The following PALM2AKAP2 variants were observed in gnomAD, a reference collection of about 807,000 sequenced individuals.
PALM2AKAP2 encodes the protein PALM2-AKAP2 fusion protein.
PALM2AKAP2 carries 37 observed loss-of-function variants against 71.5 expected under a neutral mutation model. The ratio of observed to expected loss-of-function variants is 0.52; its 90% CI spans 0.40 to 0.68. The LOEUF (loss-of-function observed/expected upper bound fraction) is 0.68. PALM2AKAP2 is among the 30% of genes least tolerant of loss of function. PALM2AKAP2 has a pLI of 0.00. For missense variants in PALM2AKAP2, 1,224 were observed against 1,191.8 expected (o/e 1.03, Z -0.40); for synonymous variants, 468 against 478.8 (o/e 0.98, Z 0.29).
chr9:109,842,345 G>A (rs528489225), intron 1 of PALM2AKAP2, among the ~76,000 whole-genome samples: 5 of 152,302 alleles, frequency 3.3e-5, no homozygotes, highest in Admixed American at 6.5e-5. Flanking sequence ...CGTGTTCTGG[G>A]CATGTCCTCA....
intron 6 of PALM2AKAP2, among the ~76,000 whole-genome samples, chr9:109,970,792 A>G (rs1832050807): frequency 6.6e-6 from 1 of 152,210 alleles, no homozygotes; most frequent in African/African-American, 2.4e-5. Context: ...CTCTTGGAAA[A>G]TAGTAAGTGC....
intron 7 of PALM2AKAP2, among the ~76,000 whole-genome samples, chr9:110,032,602 A>T (rs1833300393): frequency 6.6e-6 from 1 of 151,882 alleles, no homozygotes; most frequent in Admixed American, 6.6e-5. Flanking sequence ...GAGGCAGAAG[A>T]ATCGCTTGAC....
In PALM2AKAP2 at chr9:110,125,599, A is replaced by G. The variant is rs527848003; in HGVS notation, c.157-10528A>G. On this transcript the variant is annotated intron_variant, in intron 1 of 3. Transcript: ENST00000374525. ...TTGAGGCGCGCGCTCTGGGCAGGGT[A>G]AGCCAAGTCTGCTGACTTATCTTCG... 8.1e-6 allele frequency: 8 copies of G among 985,348 alleles called. No individual in the cohort carries two copies. In the Admixed American group the frequency reaches 4.9e-4, roughly 61 times the overall value. 61.0% of individuals were successfully genotyped at this position (985,348 alleles called of 1,614,324 possible).
At chr9:109,655,004 C>T (rs1827279244) in intron 1 of PALM2AKAP2, among the ~76,000 whole-genome samples, 7 of 152,098 alleles carry the variant, frequency 4.6e-5, no homozygotes, top group Admixed American at 3.9e-4. Context: ...TGGTCAAGGG[C>T]AGGGGCCGGG....
chr9:109,754,450 G>A lies in PALM2AKAP2; in HGVS notation c.6-26038G>A, dbSNP rs373424860. Reference sequence around the variant, plus strand: ...GATCTGCCCTCTTCACAGATTAAGCGTAGTATACAGTGTTGTTAATTATAG... The same window carrying A: ...GATCTGCCCTCTTCACAGATTAAGCATAGTATACAGTGTTGTTAATTATAG... On this transcript the variant is annotated intron_variant, in intron 1 of 6. Coordinates refer to the PALM2AKAP2 transcript ENST00000374531. Among the ~76,000 whole-genome samples, 46 of 152,234 alleles carry A rather than the reference G, an allele frequency of 3.0e-4. No homozygotes were observed. The South Asian group carries it at 8.1e-3, about 27-fold the overall frequency.
intron 6 of PALM2AKAP2, among the ~76,000 whole-genome samples, chr9:109,973,646 G>T (rs545323825): frequency 6.6e-6 from 1 of 152,322 alleles, no homozygotes; most frequent in East Asian, 1.9e-4. Flanking sequence ...CCACAGGGAA[G>T]GCAGAAAGGA....
chr9:110,015,657 C>T (rs779031333), intron 6 of PALM2AKAP2, among the ~76,000 whole-genome samples: 19 of 152,110 alleles, frequency 1.2e-4, no homozygotes, highest in Admixed American at 5.2e-4. Context: ...AAGAAGAAGA[C>T]GAAGAGTTCA....
Position 109,943,515 on chromosome 9 carries a change from C to A in PALM2AKAP2, c.496+11487C>A, listed in dbSNP as rs1314097164. The A allele has an allele frequency of 2.0e-6, 3 of 1,475,990 alleles. No individual in the cohort carries two copies. In the African/African-American group the frequency reaches 4.2e-5, roughly 21 times the overall value. The allele number at this position is 1,475,990 out of a possible 1,614,324, so 91.4% of individuals were successfully genotyped here. ...GTACCACTAACTGCAATACTGTGAA[C>A]TGGAAGCAAACACCTGCCTTGCCTT... is the stretch of plus-strand genomic sequence containing the variant. On this transcript the variant is annotated intron_variant, in intron 6 of 9. Coordinates refer to the PALM2AKAP2 transcript ENST00000302798.
At position 110,154,812 on chromosome 9, in the gene PALM2AKAP2, A is replaced by T. The variant is rs190687616; in HGVS notation, c.2570-1507A>T. On this transcript the variant is annotated intron_variant, in intron 2 of 3. Coordinates refer to ENST00000374525, the Ensembl canonical transcript of PALM2AKAP2. ...CCCAAGTGTAACAGCTAAATACCTT[A>T]AAAAAAATCAAGAAGGGTGTATCCT... 2.2e-4 allele frequency among the ~76,000 whole-genome samples: 34 copies of T among 152,202 alleles called. 1 individual carries two copies. The highest frequency in any genetic ancestry group is 7.2e-4 in the African/African-American group (30 of 41,536).
At chr9:109,850,150 G>A (rs1370659945) in intron 1 of PALM2AKAP2, among the ~76,000 whole-genome samples, 4 of 152,182 alleles carry the variant, frequency 2.6e-5, no homozygotes, top group Admixed American at 6.5e-5. Context: ...GGAGATGGAT[G>A]CAGGATCTGT....
rs375125854 is a variant in PALM2AKAP2 at position 110,134,702 on chromosome 9, G to T, written c.157-1425G>T. 3.3e-5 allele frequency among the ~76,000 whole-genome samples: 5 copies of T among 152,186 alleles called. 1 individual carries two copies. The highest frequency in any genetic ancestry group is 1.2e-4 in the African/African-American group (5 of 41,522). ...TTTTGAAATTAATTTCCTGAGAATC[G>T]TCCTAAGGTGGTGTTTTAATATTCT... On this transcript the variant is annotated intron_variant, in intron 1 of 3. Transcript: ENST00000374525.
At chr9:109,913,755 CTT>C (rs35024326) in intron 3 of PALM2AKAP2, among the ~76,000 whole-genome samples, 1,041 of 102,954 alleles carry the variant, frequency 0.01, 9 homozygotes, top group African/African-American at 0.03. Flanking sequence ...ATGCTTATTT[CTT>C]TTTTTTTTTT....
chr9:110,152,814 G>A (rs563890867), intron 2 of PALM2AKAP2, among the ~76,000 whole-genome samples: 3 of 152,314 alleles, frequency 2.0e-5, no homozygotes, highest in South Asian at 4.1e-4. Flanking sequence ...GAATTCTGGT[G>A]CCTGGTTTGA....
chr9:109,838,457 A>C (rs985875889), intron 1 of PALM2AKAP2, among the ~76,000 whole-genome samples: 5 of 152,214 alleles, frequency 3.3e-5, no homozygotes, highest in African/African-American at 7.2e-5. Context: ...CTAACATCAC[A>C]ATTAAAAGAA....
chr9:109,938,536 A>G (rs974989621), intron 6 of PALM2AKAP2, among the ~76,000 whole-genome samples: 1 of 152,140 alleles, frequency 6.6e-6, no homozygotes, highest in Non-Finnish European at 1.5e-5. Flanking sequence ...TTCTTAAAAT[A>G]TTCTATGCTC....
intron 1 of PALM2AKAP2, among the ~76,000 whole-genome samples, chr9:109,684,462 T>C (rs1020154120): frequency 6.6e-6 from 1 of 152,174 alleles, no homozygotes; most frequent in African/African-American, 2.4e-5. Flanking sequence ...TTGGAGTTTC[T>C]AATCTGAGAA....
At chr9:110,052,601 G>A (rs1833733350) in intron 1 of PALM2AKAP2, among the ~76,000 whole-genome samples, 1 of 152,198 alleles carries the variant, frequency 6.6e-6, no homozygotes, top group African/African-American at 2.4e-5. Flanking sequence ...TTTGATTAGA[G>A]TATTAAAGAA....
Position 110,011,014 on chromosome 9 carries a change from A to AAAAATATATAT in PALM2AKAP2, c.497-4939_497-4938insAAATATATATA, listed in dbSNP as rs35212981. On this transcript the variant is annotated intron_variant, in intron 6 of 9. Coordinates refer to the PALM2AKAP2 transcript ENST00000302798. ...TCTGTCTCAAAAAAAAAAAAAAAAA[A>AAAAATATATAT]ATATATATATATATATATATATACT... 4.7e-4 allele frequency among the ~76,000 whole-genome samples: 33 copies of AAAAATATATAT among 69,580 alleles called. 2 individuals are homozygous for AAAAATATATAT. Among genetic ancestry groups the AAAAATATATAT allele is most frequent in the African/African-American group, 2.6e-3 (33 of 12,782 alleles). 45.6% of individuals were successfully genotyped at this position (69,580 alleles called of 152,430 possible).
chr9:109,794,646 C>G (rs73655506), intron 1 of PALM2AKAP2, among the ~76,000 whole-genome samples: 3,081 of 152,198 alleles, frequency 0.02, 99 homozygotes, highest in African/African-American at 0.071. Flanking sequence ...AAAAGTTGCC[C>G]ATGGCCAGTG....
Sources: gnomAD v4.1 joint callset for allele counts (sites outside exome capture counted in the v4.1 genomes callset) on GRCh38, gnomAD v4.1.1 for gene constraint, MANE v1.5 for transcripts, NCBI Gene and HGNC (gene_info 2026-07-23, HGNC 2026-07-21) for gene names.